The following MFHAS1 variants were observed in gnomAD, a reference collection of about 807,000 sequenced individuals.
The protein encoded by MFHAS1 is malignant fibrous histiocytoma-amplified sequence 1.
Under a neutral mutation model 70.4 loss-of-function variants are expected in MFHAS1, and 50 were observed. The ratio of observed to expected loss-of-function variants is 0.71; its 90% CI spans 0.57 to 0.90. The LOEUF (loss-of-function observed/expected upper bound fraction) is 0.90. MFHAS1 is among the 40% of genes least tolerant of loss of function. The pLI, the probability that MFHAS1 is intolerant of heterozygous loss-of-function variation, is 0.00. For missense variants in MFHAS1, 1,795 were observed against 1,347.6 expected (o/e 1.33, Z -5.20); for synonymous variants, 952 against 620.0 (o/e 1.54, Z -7.96).
intron 1 of MFHAS1, among the ~76,000 whole-genome samples, chr8:8,884,041 AACACACACACACACACACACACAC>A (rs10660555): frequency 1.5e-5 from 2 of 134,096 alleles, no homozygotes; most frequent in Non-Finnish European, 3.2e-5. Context: ...CTATTTCACA[AACACACACACACACACACACACAC>A]ACACACACAC....
At chr8:8,826,904 G>A (rs1006973445) in intron 1 of MFHAS1, among the ~76,000 whole-genome samples, 8 of 152,212 alleles carry the variant, frequency 5.3e-5, no homozygotes, top group African/African-American at 1.9e-4. Context: ...CCGCAGAGGA[G>A]AAAGATGGCA....
intron 1 of MFHAS1, chr8:8,822,036 GCA>G (rs1806974492): frequency 6.6e-6 from 1 of 152,318 alleles, no homozygotes; most frequent in Non-Finnish European, 1.5e-5. Flanking sequence ...GGTGAAGCCT[GCA>G]CGAGATGCTA....
Position 8,891,814 on chromosome 8 carries a change from C to T in MFHAS1, c.1245G>A (p.Met415Ile), listed in dbSNP as rs1280813574. 18 of 1,613,360 alleles carry T rather than the reference C, an allele frequency of 1.1e-5. No homozygotes were observed. The highest frequency in any genetic ancestry group is 1.5e-5 in the Non-Finnish European group (18 of 1,179,988). The change falls in exon 1 of 3, where the codon ATG becomes ATA. Residue 415 changes from methionine (M) to isoleucine (I), a missense_variant. By Grantham distance (10) the Met-to-Ile change is conservative. Transcript: ENST00000276282. This position sits in a 1 kb window ranked among gnomAD's most constrained non-coding sequence, Gnocchi z 5.4. ...AAGTCTTTCCTGCAGCCTTATGCCCCATCAGGAGCAGCTTGAGCCGGGGCT... is the reference window on the plus strand; with the variant it reads ...AAGTCTTTCCTGCAGCCTTATGCCCTATCAGGAGCAGCTTGAGCCGGGGCT... ...AVQPRLKLLLMGHKAAGKTLL... is the reference protein window; with the variant it reads ...AVQPRLKLLLIGHKAAGKTLL...
intron 1 of MFHAS1, among the ~76,000 whole-genome samples, chr8:8,820,589 T>C (rs1300659408): frequency 1.3e-5 from 2 of 152,316 alleles, no homozygotes; most frequent in East Asian, 3.9e-4. Flanking sequence ...TTTTTTTTCA[T>C]GGAATCCCCC....
chr8:8,889,336 C>T (rs1367555762), intron 1 of MFHAS1, among the ~76,000 whole-genome samples: 1 of 152,304 alleles, frequency 6.6e-6, no homozygotes, highest in East Asian at 1.9e-4. Flanking sequence ...CGGAGGGGAG[C>T]AGCAGCCCCA....
At chr8:8,786,160 A>C (rs1006088095) in intron 2 of MFHAS1, 105 bp from the exon 3 acceptor site, 2 of 1,091,350 alleles carry the variant, frequency 1.8e-6, no homozygotes, top group East Asian at 2.4e-5. Flanking sequence ...TTTTCTGCAC[A>C]TATTTTCATT....
At chr8:8,878,909 C>T (rs1809399617) in intron 1 of MFHAS1, among the ~76,000 whole-genome samples, 1 of 152,102 alleles carries the variant, frequency 6.6e-6, no homozygotes, top group Admixed American at 6.5e-5. Flanking sequence ...CAAAGAAATC[C>T]AGCAGTCATA....
intron 1 of MFHAS1, among the ~76,000 whole-genome samples, chr8:8,874,331 TACAC>T (rs35271686): frequency 0.071 from 10,197 of 144,608 alleles, 726 homozygotes; most frequent in African/African-American, 0.19. Context: ...TATAACATTC[TACAC>T]ACACACACAC....
At chr8:8,849,639 G>A (rs1360198771) in intron 1 of MFHAS1, among the ~76,000 whole-genome samples, 1 of 152,180 alleles carries the variant, frequency 6.6e-6, no homozygotes, top group Admixed American at 6.5e-5. Flanking sequence ...TGCATTTTGT[G>A]TCTCCTGGTC....
intron 1 of MFHAS1, among the ~76,000 whole-genome samples, chr8:8,842,377 G>C (rs1370209902): frequency 6.6e-6 from 1 of 151,920 alleles, no homozygotes; most frequent in African/African-American, 2.4e-5. Context: ...GTAGAGACAG[G>C]GTTTCACCAC....
rs978733092 is a variant in MFHAS1, at chr8:8,817,337, A to G, written c.2999-19846T>C. ...TTACCTCCAAGCTCTTTGTTAATTG[A>G]CGTCCATTTGTATCAGAGGTAATTC... On this transcript the variant is annotated intron_variant, in intron 1 of 2. Transcript: ENST00000276282. Among the ~76,000 whole-genome samples the G allele has an allele frequency of 4.6e-5, 7 of 152,214 alleles. No homozygotes were observed. The East Asian group carries it at 1.3e-3, about 29-fold the overall frequency.
At chr8:8,814,337 C>T (rs183591384) in intron 1 of MFHAS1, among the ~76,000 whole-genome samples, 4 of 152,198 alleles carry the variant, frequency 2.6e-5, no homozygotes, top group East Asian at 1.9e-4. Context: ...ATATTCAGTA[C>T]AGTCACATGC....
chr8:8,873,510 T>C (rs1563214717), intron 1 of MFHAS1, among the ~76,000 whole-genome samples: 1 of 152,086 alleles, frequency 6.6e-6, no homozygotes, highest in Non-Finnish European at 1.5e-5. Context: ...AAACACATTT[T>C]AGAGTGCTGG....
intron 1 of MFHAS1, among the ~76,000 whole-genome samples, chr8:8,866,549 C>A (rs1254289471): frequency 6.6e-6 from 1 of 152,058 alleles, no homozygotes; most frequent in Non-Finnish European, 1.5e-5. Context: ...AACTCCTGGG[C>A]TCAAGCGATC....
At chr8:8,888,394 C>T (rs961749033) in intron 1 of MFHAS1, among the ~76,000 whole-genome samples, 4 of 152,100 alleles carry the variant, frequency 2.6e-5, no homozygotes, top group African/African-American at 9.7e-5. Context: ...ATCACCCCTC[C>T]GGGTCCCCTG....
chr8:8,845,746 C>A (rs1808008870), intron 1 of MFHAS1, among the ~76,000 whole-genome samples: 1 of 152,178 alleles, frequency 6.6e-6, no homozygotes. Flanking sequence ...ACAATAATAG[C>A]TTTTCATAAC....
At chr8:8,804,144 T>C (rs1019214261) in intron 1 of MFHAS1, among the ~76,000 whole-genome samples, 4 of 152,146 alleles carry the variant, frequency 2.6e-5, no homozygotes, top group Admixed American at 6.5e-5. Flanking sequence ...CTCAAACTCA[T>C]AGGCTCACTT....
chr8:8,847,416 A>T (rs1297389117), intron 1 of MFHAS1, among the ~76,000 whole-genome samples: 1 of 152,206 alleles, frequency 6.6e-6, no homozygotes, highest in Non-Finnish European at 1.5e-5. Flanking sequence ...TCCTGACCTC[A>T]GGTGATGCAC....
intron 1 of MFHAS1, among the ~76,000 whole-genome samples, chr8:8,857,226 G>T (rs144688958): frequency 6.6e-6 from 1 of 152,102 alleles, no homozygotes; most frequent in Non-Finnish European, 1.5e-5. Context: ...AATAAATTCC[G>T]CGTGTGGCCC....
Sources: allele counts gnomAD v4.1 joint callset (sites outside exome capture counted in the v4.1 genomes callset), GRCh38; gene constraint gnomAD v4.1.1; non-coding constraint Gnocchi (gnomAD v3.1); transcripts MANE v1.5; gene names NCBI Gene and HGNC (gene_info 2026-07-23, HGNC 2026-07-21).